Variants in FAF1 observed in about 807,000 individuals in gnomAD.
FAF1 encodes the protein FAS-associated factor 1.
Under a neutral mutation model 92.5 loss-of-function variants are expected in FAF1, and 25 were observed. That is an observed-to-expected ratio of 0.27 (90% confidence interval 0.20 to 0.38). FAF1 has a LOEUF of 0.38. Among genes scored for constraint, FAF1 ranks in the 10% least tolerant of loss-of-function variants. FAF1 has a pLI of 1.00. For missense variants in FAF1, 636 were observed against 793.3 expected, an observed-to-expected ratio of 0.80 and a Z score of 2.38; for synonymous variants, 234 against 273.2, an observed-to-expected ratio of 0.86 and a Z score of 1.42.
intron 15 of FAF1, among the ~76,000 whole-genome samples, chr1:50,499,671 G>T (rs1646957243): frequency 6.6e-6 from 1 of 152,124 alleles, no homozygotes; most frequent in African/African-American, 2.4e-5. Context: ...ACTAGTAAGT[G>T]AGTTTAGTAA....
intron 17 of FAF1, among the ~76,000 whole-genome samples, chr1:50,477,882 T>C (rs894075795): frequency 1.3e-5 from 2 of 152,212 alleles, no homozygotes; most frequent in Non-Finnish European, 2.9e-5. Context: ...AAATAATATA[T>C]GTAAAAGTGC....
chr1:50,652,254 C>T (rs1325726329), intron 8 of FAF1, among the ~76,000 whole-genome samples: 1 of 152,178 alleles, frequency 6.6e-6, no homozygotes, highest in East Asian at 1.9e-4. Context: ...TCCATATTTT[C>T]CTATAGTAAT....
At chr1:50,545,016 A>G (rs1648941396) in intron 13 of FAF1, among the ~76,000 whole-genome samples, 1 of 151,986 alleles carries the variant, frequency 6.6e-6, no homozygotes, top group African/African-American at 2.4e-5. Flanking sequence ...ATGGTAAAAC[A>G]CACACACACA....
chr1:50,815,361 T>C (rs1312184426), intron 2 of FAF1, among the ~76,000 whole-genome samples: 1 of 152,216 alleles, frequency 6.6e-6, no homozygotes, highest in Non-Finnish European at 1.5e-5. Flanking sequence ...GATTATGGCC[T>C]CCAGCTGCAT....
intron 6 of FAF1, among the ~76,000 whole-genome samples, chr1:50,737,555 A>G (rs1310678650): frequency 3.3e-5 from 5 of 152,234 alleles, no homozygotes; most frequent in African/African-American, 1.2e-4. Flanking sequence ...CACATGGACC[A>G]TAAGTTTGTA....
At chr1:50,485,309 A>G (rs1313137363) in intron 17 of FAF1, among the ~76,000 whole-genome samples, 1 of 151,800 alleles carries the variant, frequency 6.6e-6, no homozygotes, top group South Asian at 2.1e-4. Flanking sequence ...ATCCTCTGTA[A>G]AACAGTAATA....
intron 18 of FAF1, among the ~76,000 whole-genome samples, chr1:50,463,668 T>C (rs1242530195): frequency 6.6e-6 from 1 of 152,258 alleles, no homozygotes. Flanking sequence ...CTGAAATGTC[T>C]GCACAAGGTC....
At chr1:50,501,116 T>C (rs1309550834) in intron 15 of FAF1, among the ~76,000 whole-genome samples, 3 of 152,164 alleles carry the variant, frequency 2.0e-5, no homozygotes, top group African/African-American at 7.2e-5. Flanking sequence ...AACCATAGAC[T>C]GAGAGAAAAA....
chr1:50,818,968 T>C (rs1644004531), intron 2 of FAF1, among the ~76,000 whole-genome samples: 2 of 152,196 alleles, frequency 1.3e-5, no homozygotes, highest in African/African-American at 2.4e-5. Flanking sequence ...ATTTTTTGCA[T>C]TAAACAAATT....
At chr1:50,596,253 A>G in intron 8 of FAF1, 37 bp from the exon 9 acceptor site, 1 of 1,435,668 alleles carries the variant, frequency 7.0e-7, no homozygotes, top group East Asian at 2.3e-5. Context: ...TAAACAAAAT[A>G]CGGCCATGTT....
chr1:50,873,507 T>C (rs1369385127), intron 1 of FAF1, among the ~76,000 whole-genome samples: 1 of 152,150 alleles, frequency 6.6e-6, no homozygotes, highest in Non-Finnish European at 1.5e-5. Context: ...TACTTCCCCA[T>C]CTGGGCAAGA....
intron 15 of FAF1, among the ~76,000 whole-genome samples, chr1:50,519,236 A>T (rs563600643): frequency 2.6e-5 from 4 of 152,046 alleles, no homozygotes; most frequent in African/African-American, 9.6e-5. Flanking sequence ...GGGCTGAGGC[A>T]GGAGAATCGC....
chr1:50,682,467 AG>A (rs1004213419), intron 7 of FAF1, among the ~76,000 whole-genome samples: 12 of 152,080 alleles, frequency 7.9e-5, no homozygotes, highest in African/African-American at 2.7e-4. Context: ...GGAACTGTGA[AG>A]GTTTTTGCAT....
chr1:50,730,842 C>G (rs756618737), intron 6 of FAF1, among the ~76,000 whole-genome samples: 1 of 152,204 alleles, frequency 6.6e-6, no homozygotes, highest in Non-Finnish European at 1.5e-5. Flanking sequence ...AGTTGCTACA[C>G]GCTTTTCACT....
chr1:50,628,254 G>A (rs1653601973), intron 8 of FAF1, among the ~76,000 whole-genome samples: 1 of 152,138 alleles, frequency 6.6e-6, no homozygotes, highest in Admixed American at 6.6e-5. Flanking sequence ...AAAATAGAAG[G>A]TGATGGGGTA....
chr1:50,587,767 A>G (rs1651307272), intron 9 of FAF1, among the ~76,000 whole-genome samples: 1 of 152,234 alleles, frequency 6.6e-6, no homozygotes, highest in African/African-American at 2.4e-5. Flanking sequence ...AGCACCATAT[A>G]TTATACACAG....
chr1:50,869,891 T>G (rs1300626913), intron 1 of FAF1, among the ~76,000 whole-genome samples: 1 of 152,236 alleles, frequency 6.6e-6, no homozygotes, highest in East Asian at 1.9e-4. Flanking sequence ...TCTATGATTT[T>G]GGCATCTGCT....
intron 2 of FAF1, among the ~76,000 whole-genome samples, chr1:50,837,575 G>A (rs977054257): frequency 3.9e-5 from 6 of 152,006 alleles, no homozygotes; most frequent in Non-Finnish European, 5.9e-5. Context: ...AGAGTAAAAC[G>A]CTAGTCAAGT....
intron 17 of FAF1, among the ~76,000 whole-genome samples, chr1:50,485,045 G>A (rs1334905307): frequency 6.6e-6 from 1 of 151,748 alleles, no homozygotes; most frequent in Non-Finnish European, 1.5e-5. Flanking sequence ...CATGGCACAT[G>A]TATACATGTG....
Sources: allele counts gnomAD v4.1 joint callset (sites outside exome capture counted in the v4.1 genomes callset), GRCh38; gene constraint gnomAD v4.1.1; transcripts MANE v1.5; gene names NCBI Gene and HGNC (gene_info 2026-07-23, HGNC 2026-07-21).